Variants in PAWR observed in about 807,000 individuals in gnomAD.
The protein encoded by PAWR is pro-apoptotic WT1 regulator, also known as PRKC apoptosis WT1 regulator protein.
A neutral mutation model predicts 32.0 loss-of-function variants in PAWR; 23 were observed. That is an observed-to-expected ratio of 0.72 (90% CI 0.52 to 1.02). The LOEUF is 1.02. Ranked by LOEUF, PAWR falls within the 50% of genes least tolerant of loss-of-function variation. PAWR has a pLI of 0.00. For synonymous variants in PAWR, 226 were observed against 187.1 expected, an observed-to-expected ratio of 1.21 and a Z score of -1.70; for missense variants, 457 against 437.7, an observed-to-expected ratio of 1.04 and a Z score of -0.39.
At chr12:79,613,958 TATATATATATATATATATATA>T (rs1277249650) in intron 3 of PAWR, among the ~76,000 whole-genome samples, 139 of 7,490 alleles carry the variant, frequency 0.019, 3 homozygotes, top group African/African-American at 0.077. Flanking sequence ...TATATATATA[TATATATATATATATATATATA>T]TTTTTTTTTT....
intron 3 of PAWR, among the ~76,000 whole-genome samples, chr12:79,613,985 T>A (rs1168362704): frequency 0.086 from 305 of 3,542 alleles, no homozygotes; most frequent in Non-Finnish European, 0.18. Context: ...ATATATTTTT[T>A]TTTTTTTTTT....
chr12:79,690,180 T>C lies in PAWR; in HGVS notation c.65A>G (p.Glu22Gly). Residue 22 changes from glutamate to glycine, a missense_variant, in exon 2 of 7, where the codon GAG becomes GGG. Transcript: ENST00000328827. ...CATCTTCTCGCGTTTCGCCTTCCAC[T>C]CCTCCAGGAAGTCTGTGGTGCTGCC... ...LGGSTTDFLEEWKAKREKMRA... is the reference protein window; with the variant it reads ...LGGSTTDFLEGWKAKREKMRA... 1 of 1,531,520 alleles carries C rather than the reference T, an allele frequency of 6.5e-7. No homozygotes were observed. The highest frequency in any genetic ancestry group is 8.8e-7 in the Non-Finnish European group (1 of 1,142,640). 94.9% of individuals were successfully genotyped at this position (1,531,520 alleles called of 1,614,324 possible).
At chr12:79,631,335 A>G (rs1474636253) in intron 2 of PAWR, among the ~76,000 whole-genome samples, 1 of 152,218 alleles carries the variant, frequency 6.6e-6, no homozygotes, top group Non-Finnish European at 1.5e-5. Context: ...TAAGGTAAGC[A>G]TAAGAAAGAA....
chr12:79,668,302 T>G (rs1190495325), intron 2 of PAWR: 2 of 152,266 alleles, frequency 1.3e-5, no homozygotes, highest in Non-Finnish European at 1.5e-5. Context: ...TTAACAGTGC[T>G]TCCTCCCGCA....
rs966143805 is a variant in PAWR, at chr12:79,584,891, C to G, written c.*7716G>C. 1 of 199,236 alleles carries G rather than the reference C, an allele frequency of 5.0e-6. No individual in the cohort carries two copies. Among genetic ancestry groups the G allele is most frequent in the Non-Finnish European group, 1.0e-5 (1 of 97,956 alleles). The allele number at this position is 199,236 out of a possible 1,614,324, so 12.3% of individuals were successfully genotyped here. A position where few individuals can be genotyped will look rare whatever the true frequency, so the allele number is the denominator to read the frequency against. On this transcript the variant is annotated 3_prime_UTR_variant, in exon 7 of 7. Transcript: ENST00000328827. ...AAAACAAATTGTATAACTGATGAAA[C>G]ATACATTTATTTTTTCCAATCAAGT... is the stretch of plus-strand genomic sequence containing the variant.
chr12:79,661,313 C>T (rs1354320310), intron 2 of PAWR, among the ~76,000 whole-genome samples: 2 of 150,124 alleles, frequency 1.3e-5, no homozygotes, highest in Non-Finnish European at 3.0e-5. Context: ...TTTCTACAAT[C>T]TGTCCTTAGA....
intron 2 of PAWR, among the ~76,000 whole-genome samples, chr12:79,626,967 A>G (rs1875361487): frequency 1.3e-5 from 2 of 152,076 alleles, no homozygotes; most frequent in Non-Finnish European, 2.9e-5. Flanking sequence ...TATATGCCAC[A>G]TTTTCTTAAT....
At chr12:79,616,414 A>T (rs1367641623) in intron 3 of PAWR, among the ~76,000 whole-genome samples, 1 of 152,202 alleles carries the variant, frequency 6.6e-6, no homozygotes, top group Non-Finnish European at 1.5e-5. Flanking sequence ...GGTTACTGGT[A>T]TATCAACTGA....
At chr12:79,635,271 G>A (rs1875905966) in intron 2 of PAWR, among the ~76,000 whole-genome samples, 1 of 152,012 alleles carries the variant, frequency 6.6e-6, no homozygotes, top group African/African-American at 2.4e-5. Flanking sequence ...TGTCTCTGGG[G>A]CAAGTCTCTA....
chr12:79,595,114 T>C (rs1873701449), intron 5 of PAWR, among the ~76,000 whole-genome samples: 1 of 152,318 alleles, frequency 6.6e-6, no homozygotes, highest in East Asian at 1.9e-4. Context: ...TTAATTTTTC[T>C]TAAAAATACA....
intron 2 of PAWR, among the ~76,000 whole-genome samples, chr12:79,656,155 G>A (rs553769959): frequency 6.6e-5 from 10 of 152,316 alleles, no homozygotes; most frequent in South Asian, 4.1e-4. Flanking sequence ...GAGCAAAGAC[G>A]AAAACACGAA....
intron 3 of PAWR, among the ~76,000 whole-genome samples, chr12:79,616,461 G>A (rs1874738338): frequency 6.6e-6 from 1 of 152,156 alleles, no homozygotes; most frequent in African/African-American, 2.4e-5. Flanking sequence ...CACTATTTCT[G>A]AGGCTTGAAA....
At position 79,585,118 on chromosome 12, in the gene PAWR, CTT is replaced by C; in HGVS notation, c.*7487_*7488del. On this transcript the variant is annotated 3_prime_UTR_variant, in exon 7 of 7. Coordinates refer to ENST00000328827, the MANE Select transcript of PAWR (RefSeq NM_002583.4). ...ATGCTGAGGCTTCTCCTGATACAAT[CTT>C]TTGCAACATAACCAACAAAGATCAG... The C allele has an allele frequency of 2.2e-6, 1 of 450,992 alleles. No individual in the cohort carries two copies. Among genetic ancestry groups the C allele is most frequent in the Non-Finnish European group, 4.4e-6 (1 of 225,282 alleles). 27.9% of individuals were successfully genotyped at this position (450,992 alleles called of 1,614,324 possible).
intron 3 of PAWR, among the ~76,000 whole-genome samples, chr12:79,620,686 A>G (rs1434694973): frequency 2.6e-5 from 4 of 152,200 alleles, no homozygotes; most frequent in Admixed American, 2.6e-4. Flanking sequence ...GCAGCCTGGC[A>G]TGGGGTATTC....
Position 79,690,131 on chromosome 12 carries a change from G to A in PAWR, c.114C>T (p.Gly38=). 1 of 1,513,026 alleles carries A rather than the reference G, an allele frequency of 6.6e-7. No individual in the cohort carries two copies. The allele number at this position is 1,513,026 out of a possible 1,614,324, so 93.7% of individuals were successfully genotyped here. A position where few individuals can be genotyped will look rare whatever the true frequency, so the allele number is the denominator to read the frequency against. The stretch of plus-strand genomic sequence containing the variant: ...TGCTGCCCCCTCCCGGGGGGGCCGG[G>A]CCCGGGGGGTTCTGCTTGGCGCGCA... The part of the protein sequence containing the change: ...EKMRAKQNPP[G]PAPPGGGSSD... The change falls in exon 2 of 7, where the codon GGC becomes GGT. Residue 38 remains glycine, a synonymous_variant. Coordinates refer to ENST00000328827, the MANE Select transcript of PAWR (RefSeq NM_002583.4).
At chr12:79,617,850 A>G (rs573804443) in intron 3 of PAWR, among the ~76,000 whole-genome samples, 191 of 152,212 alleles carry the variant, frequency 1.3e-3, no homozygotes, top group African/African-American at 3.3e-3. Flanking sequence ...TTTAGCACCA[A>G]TGAGATCTGG....
chr12:79,628,366 C>A (rs889392139), intron 2 of PAWR, among the ~76,000 whole-genome samples: 2 of 152,018 alleles, frequency 1.3e-5, no homozygotes, highest in African/African-American at 4.8e-5. Context: ...CAGGAAAGAT[C>A]TAAAATTGAC....
intron 2 of PAWR, among the ~76,000 whole-genome samples, chr12:79,630,858 CAA>C (rs74262476): frequency 3.3e-4 from 35 of 105,332 alleles, no homozygotes; most frequent in African/African-American, 3.3e-4. Flanking sequence ...GTACCAAAAC[CAA>C]AAAAAAAAAA....
intron 2 of PAWR, among the ~76,000 whole-genome samples, chr12:79,649,562 G>C (rs1434320161): frequency 6.6e-6 from 1 of 152,084 alleles, no homozygotes; most frequent in Non-Finnish European, 1.5e-5. Context: ...CCACGCAGAA[G>C]GATTGCTTGA....
Sources: allele counts gnomAD v4.1 joint callset (sites outside exome capture counted in the v4.1 genomes callset), GRCh38; gene constraint gnomAD v4.1.1; transcripts MANE v1.5; gene names NCBI Gene and HGNC (gene_info 2026-07-23, HGNC 2026-07-21).